The following SCN9A variants were observed in gnomAD, a reference collection of about 807,000 sequenced individuals.
SCN9A encodes the protein sodium channel protein type 9 subunit alpha.
Under a neutral mutation model 187.0 loss-of-function variants are expected in SCN9A, and 131 were observed. The ratio of observed to expected loss-of-function variants is 0.70; its 90% confidence interval spans 0.61 to 0.81. The LOEUF (loss-of-function observed/expected upper bound fraction) is 0.81. Ranked by LOEUF, SCN9A falls within the 30% of genes least tolerant of loss-of-function variation. SCN9A has a pLI of 0.00. For missense variants in SCN9A, 2,252 were observed against 2,396.6 expected (o/e 0.94, Z 1.26); for synonymous variants, 809 against 808.6 (o/e 1.00, Z -0.01).
At chr2:166,208,968 T>C (rs998633080) in intron 24 of SCN9A, among the ~76,000 whole-genome samples, 1 of 152,220 alleles carries the variant, frequency 6.6e-6, no homozygotes, top group African/African-American at 2.4e-5. Flanking sequence ...ACATCAAATG[T>C]CCTTGCCATT....
intron 1 of SCN9A, among the ~76,000 whole-genome samples, chr2:166,346,812 A>G (rs940721207): frequency 1.8e-4 from 27 of 152,204 alleles, no homozygotes; most frequent in Non-Finnish European, 5.9e-5. Context: ...AGTACATAAT[A>G]AAGTATGTAA....
At chr2:166,266,000 C>T (rs1335502477) in intron 17 of SCN9A, among the ~76,000 whole-genome samples, 1 of 151,798 alleles carries the variant, frequency 6.6e-6, no homozygotes, top group East Asian at 1.9e-4. Context: ...TTTATTTTCC[C>T]ATTCTGTAGG....
At chr2:166,322,183 A>T (rs866830792) in intron 1 of SCN9A, among the ~76,000 whole-genome samples, 4 of 152,262 alleles carry the variant, frequency 2.6e-5, no homozygotes, top group Middle Eastern at 6.8e-3. Context: ...AAAAAATTTC[A>T]TTTTATTTGA....
intron 24 of SCN9A, among the ~76,000 whole-genome samples, chr2:166,209,065 A>G (rs1693955097): frequency 6.6e-6 from 1 of 152,214 alleles, no homozygotes; most frequent in Non-Finnish European, 1.5e-5. Context: ...TGATACAGCT[A>G]CAAACATAGG....
In SCN9A at chr2:166,261,337, C is replaced by G. The variant is rs1252685963; in HGVS notation, c.3352-9452G>C. ...TTAGGGGTGGCCATGTCACACTGTT[C>G]TTGCCAATAAGACATAAGCCAAAGT... On this transcript the variant is annotated intron_variant, in intron 17 of 26. Coordinates refer to ENST00000642356, the MANE Select transcript of SCN9A (RefSeq NM_001365536.1). Among the ~76,000 whole-genome samples, 3 of 151,888 alleles carry G rather than the reference C, an allele frequency of 2.0e-5. No homozygotes were observed. In the East Asian group the frequency reaches 5.8e-4, roughly 30 times the overall value.
chr2:166,371,855 T>A (rs930682410), intron 1 of SCN9A, among the ~76,000 whole-genome samples: 7 of 152,148 alleles, frequency 4.6e-5, no homozygotes, highest in Admixed American at 3.9e-4. Flanking sequence ...AAATCCCTGC[T>A]CACAATTAGT....
intron 1 of SCN9A, among the ~76,000 whole-genome samples, chr2:166,320,073 A>G (rs1699200130): frequency 6.6e-6 from 1 of 152,172 alleles, no homozygotes; most frequent in South Asian, 2.1e-4. Context: ...GTTAGAAAAC[A>G]TTACATAAGT....
chr2:166,325,848 G>T (rs1699349764), intron 1 of SCN9A, among the ~76,000 whole-genome samples: 1 of 152,126 alleles, frequency 6.6e-6, no homozygotes, highest in Admixed American at 6.5e-5. Flanking sequence ...CACTCTGGCT[G>T]ACAAGGATAC....
intron 1 of SCN9A, among the ~76,000 whole-genome samples, chr2:166,356,622 G>A (rs1397458733): frequency 6.6e-6 from 1 of 152,116 alleles, no homozygotes; most frequent in Non-Finnish European, 1.5e-5. Context: ...TTCCTCCCCT[G>A]TGGACAACCA....
chr2:166,316,010 G>C (rs916072981), intron 1 of SCN9A, among the ~76,000 whole-genome samples: 4 of 152,130 alleles, frequency 2.6e-5, no homozygotes, highest in Admixed American at 2.0e-4. Context: ...GAGAGGACTT[G>C]TAAAGCATTA....
chr2:166,347,005 G>A (rs1574950382), intron 1 of SCN9A, among the ~76,000 whole-genome samples: 1 of 152,300 alleles, frequency 6.6e-6, no homozygotes, highest in East Asian at 1.9e-4. Context: ...GGGACTGGGA[G>A]TGAGTCATCC....
chr2:166,245,803 C>T (rs1336311041), intron 18 of SCN9A, among the ~76,000 whole-genome samples: 2 of 151,914 alleles, frequency 1.3e-5, no homozygotes, highest in Admixed American at 6.6e-5. Context: ...AATTCATTAA[C>T]AAGTATTGAG....
intron 1 of SCN9A, among the ~76,000 whole-genome samples, chr2:166,338,280 G>A (rs755345735): frequency 2.0e-5 from 3 of 152,088 alleles, no homozygotes; most frequent in Non-Finnish European, 2.9e-5. Flanking sequence ...CCCACTTACA[G>A]GAGTCACTGC....
chr2:166,286,950 CA>C (rs1697791682), intron 10 of SCN9A, among the ~76,000 whole-genome samples: 1 of 152,014 alleles, frequency 6.6e-6, no homozygotes, highest in African/African-American at 2.4e-5. Flanking sequence ...ATAAACCATG[CA>C]ATAAGACAGA....
At chr2:166,215,163 T>C (rs1231659693) in intron 24 of SCN9A, among the ~76,000 whole-genome samples, 1 of 152,182 alleles carries the variant, frequency 6.6e-6, no homozygotes, top group East Asian at 1.9e-4. Context: ...AACTCATAAT[T>C]ACGTGGAAAT....
At chr2:166,211,353 G>A (rs1195345742) in intron 24 of SCN9A, among the ~76,000 whole-genome samples, 2 of 152,072 alleles carry the variant, frequency 1.3e-5, no homozygotes, top group African/African-American at 4.8e-5. Context: ...AATGCTGAGG[G>A]AGTTCATCAC....
chr2:166,331,691 T>A (rs1463326220), intron 1 of SCN9A, among the ~76,000 whole-genome samples: 1 of 152,220 alleles, frequency 6.6e-6, no homozygotes, highest in African/African-American at 2.4e-5. Flanking sequence ...GATGAGTGTC[T>A]TCTTCTTTGA....
At chr2:166,204,541 G>T in intron 24 of SCN9A, 77 bp from the exon 25 acceptor site, 2 of 834,086 alleles carry the variant, frequency 2.4e-6, no homozygotes, top group Non-Finnish European at 3.7e-6. Flanking sequence ...TACTAAAATA[G>T]GTTAAAATGT....
chr2:166,341,292 C>G (rs1331347685), intron 1 of SCN9A, among the ~76,000 whole-genome samples: 1 of 152,130 alleles, frequency 6.6e-6, no homozygotes, highest in Non-Finnish European at 1.5e-5. Context: ...TATAGCAATG[C>G]TCTAAAATAT....
Sources: allele counts gnomAD v4.1 joint callset (sites outside exome capture counted in the v4.1 genomes callset), GRCh38; gene constraint gnomAD v4.1.1; transcripts MANE v1.5; gene names NCBI Gene and HGNC (gene_info 2026-07-23, HGNC 2026-07-21).